RIMS1: variants seen among roughly 807,000 people sequenced by gnomAD.
RIMS1 encodes the protein regulating synaptic membrane exocytosis 1, also known as regulating synaptic membrane exocytosis protein 1.
RIMS1 carries 83 observed loss-of-function variants against 214.1 expected under a neutral mutation model. That is an observed-to-expected ratio of 0.39 (90% CI 0.32 to 0.47). RIMS1 has a LOEUF of 0.47. Among genes scored for constraint, RIMS1 ranks in the 20% least tolerant of loss-of-function variants. The probability of loss-of-function intolerance (pLI) is 0.99; values close to 1 mark genes in which losing one functional copy is unlikely to be tolerated. For synonymous variants in RIMS1, 793 were observed against 786.8 expected (o/e 1.01, Z -0.13); for missense variants, 2,050 against 2,161.8 (o/e 0.95, Z 1.03).
chr6:72,307,397 G>A (rs1356266305), intron 27 of RIMS1, 27 bp downstream of exon 27: 1 of 1,414,604 alleles, frequency 7.1e-7, no homozygotes, highest in African/African-American at 1.4e-5. Flanking sequence ...CCAACAAATA[G>A]TTTCCCTTTT....
chr6:72,242,653 T>C (rs1251587733), intron 10 of RIMS1, among the ~76,000 whole-genome samples: 1 of 151,728 alleles, frequency 6.6e-6, no homozygotes, highest in Non-Finnish European at 1.5e-5. Flanking sequence ...ACTTTAACAA[T>C]TGTAATATCA....
At chr6:72,171,311 C>T (rs944312726) in intron 4 of RIMS1, among the ~76,000 whole-genome samples, 1 of 149,140 alleles carries the variant, frequency 6.7e-6, no homozygotes, top group Admixed American at 6.7e-5. Context: ...ATACCTAATA[C>T]ATATACATAC....
intron 26 of RIMS1, among the ~76,000 whole-genome samples, chr6:72,304,702 T>C (rs940230916): frequency 1.3e-5 from 2 of 151,922 alleles, no homozygotes; most frequent in Non-Finnish European, 2.9e-5. Flanking sequence ...TGAAGCACAA[T>C]AACTTGTATA....
intron 2 of RIMS1, among the ~76,000 whole-genome samples, chr6:71,994,433 A>C (rs751291841): frequency 6.6e-6 from 1 of 152,238 alleles, no homozygotes; most frequent in Non-Finnish European, 1.5e-5. Flanking sequence ...AATAGAAAGT[A>C]GCTGCCCTCA....
At chr6:72,063,112 A>G (rs977580053) in intron 2 of RIMS1, among the ~76,000 whole-genome samples, 1 of 152,206 alleles carries the variant, frequency 6.6e-6, no homozygotes, top group Non-Finnish European at 1.5e-5. Context: ...ACTTAATTCC[A>G]GGAAAACAAC....
chr6:72,228,867 G>A (rs898310453), intron 6 of RIMS1, among the ~76,000 whole-genome samples: 1 of 151,810 alleles, frequency 6.6e-6, no homozygotes, highest in African/African-American at 2.4e-5. Flanking sequence ...GGTATGAGGT[G>A]CTTTCTCATT....
chr6:72,080,404 G>A (rs1032799672), intron 2 of RIMS1, among the ~76,000 whole-genome samples: 7 of 152,146 alleles, frequency 4.6e-5, no homozygotes, highest in Non-Finnish European at 8.8e-5. Context: ...TCAGAGCTAT[G>A]GTCCAGACTT....
intron 2 of RIMS1, among the ~76,000 whole-genome samples, chr6:71,983,108 C>T (rs72929591): frequency 0.079 from 11,946 of 152,144 alleles, 541 homozygotes; most frequent in African/African-American, 0.097. Context: ...TCCTCCAAAA[C>T]GTACTTGACC....
chr6:72,023,879 A>G (rs536193574), intron 2 of RIMS1, among the ~76,000 whole-genome samples: 1 of 152,300 alleles, frequency 6.6e-6, no homozygotes, highest in South Asian at 2.1e-4. Context: ...TTATTTAATA[A>G]GAATCAAGTG....
chr6:72,356,594 A>T (rs2097653060), intron 29 of RIMS1, among the ~76,000 whole-genome samples: 1 of 151,996 alleles, frequency 6.6e-6, no homozygotes, highest in African/African-American at 2.4e-5. Context: ...CCCCATCTCT[A>T]CTAAAAATAC....
chr6:72,274,415 G>A lies in RIMS1; in HGVS notation c.3465G>A (p.Ala1155=), dbSNP rs190562383. ...PPSPRIQIQH[A]SPENDRHSRK... is the part of the protein sequence containing the mutation. ...GTCCCAGGATTCAAATCCAGCATGC[G>A]TCTCCGGAGAATGACAGGTACTAGT... The change falls in exon 23 of 34, where the codon GCG becomes GCA. Residue 1155 remains alanine, a synonymous_variant. Transcript: ENST00000521978. 1.6e-3 allele frequency: 2,613 copies of A among 1,612,992 alleles called. 3 individuals carry two copies. Among genetic ancestry groups the A allele is most frequent in the Non-Finnish European group, 2.0e-3 (2,388 of 1,179,246 alleles).
At chr6:72,231,671 T>C (rs2062019368) in intron 6 of RIMS1, among the ~76,000 whole-genome samples, 1 of 151,842 alleles carries the variant, frequency 6.6e-6, no homozygotes, top group South Asian at 2.1e-4. Context: ...ATCATTATTC[T>C]GCAAAGCTTA....
chr6:71,946,015 T>C (rs1218650002), intron 1 of RIMS1, among the ~76,000 whole-genome samples: 3 of 151,850 alleles, frequency 2.0e-5, no homozygotes, highest in Non-Finnish European at 4.4e-5. Flanking sequence ...AGTTACCTGA[T>C]ACAAAAGCAA....
At chr6:72,290,589 A>G (rs2093220079) in intron 24 of RIMS1, 90 bp from the exon 25 acceptor site, 2 of 1,086,384 alleles carry the variant, frequency 1.8e-6, no homozygotes, top group Non-Finnish European at 2.7e-6. Context: ...GTCATGTACG[A>G]GTAACCAGGT....
intron 2 of RIMS1, among the ~76,000 whole-genome samples, chr6:72,017,021 C>T (rs986840303): frequency 1.3e-5 from 2 of 152,086 alleles, no homozygotes; most frequent in Non-Finnish European, 2.9e-5. Flanking sequence ...TGAGTTCAGT[C>T]CATTAAATCT....
At chr6:72,064,331 A>AAGAGAG (rs56373385) in intron 2 of RIMS1, among the ~76,000 whole-genome samples, 1 of 136,974 alleles carries the variant, frequency 7.3e-6, no homozygotes, top group Non-Finnish European at 1.6e-5. Flanking sequence ...GAAAGAAAGA[A>AAGAGAG]AGAGAGAGAG....
chr6:71,931,846 C>T (rs1783138119), intron 1 of RIMS1, among the ~76,000 whole-genome samples: 1 of 151,812 alleles, frequency 6.6e-6, no homozygotes. Flanking sequence ...GAATGGTATA[C>T]ATGCAGCCAG....
At chr6:72,358,261 A>G (rs1393772461) in intron 29 of RIMS1, among the ~76,000 whole-genome samples, 1 of 152,206 alleles carries the variant, frequency 6.6e-6, no homozygotes, top group Non-Finnish European at 1.5e-5. Flanking sequence ...GAGTCAAGGT[A>G]GATAATGAAA....
At chr6:71,957,006 G>A (rs1330001933) in intron 1 of RIMS1, among the ~76,000 whole-genome samples, 1 of 152,138 alleles carries the variant, frequency 6.6e-6, no homozygotes, top group Non-Finnish European at 1.5e-5. Flanking sequence ...TAGATAATTT[G>A]CCCTGAATTT....
Sources: gnomAD v4.1 joint callset for allele counts (sites outside exome capture counted in the v4.1 genomes callset) on GRCh38, gnomAD v4.1.1 for gene constraint, MANE v1.5 for transcripts, NCBI Gene and HGNC (gene_info 2026-07-23, HGNC 2026-07-21) for gene names.